The following HOOK1 variants were observed in gnomAD, a reference collection of about 807,000 sequenced individuals.
HOOK1 encodes protein Hook homolog 1.
A neutral mutation model predicts 112.8 loss-of-function variants in HOOK1; 60 were observed. That is an observed-to-expected ratio of 0.53 (90% CI 0.43 to 0.66). The LOEUF (loss-of-function observed/expected upper bound fraction) is 0.66, where lower values mean the gene tolerates loss of function less well. Among genes scored for constraint, HOOK1 ranks in the 30% least tolerant of loss-of-function variants. The probability of loss-of-function intolerance (pLI) is 0.00; values close to 1 mark genes in which losing one functional copy is unlikely to be tolerated. For synonymous variants in HOOK1, 294 were observed against 283.8 expected, an observed-to-expected ratio of 1.04 and a Z score of -0.36; for missense variants, 770 against 856.0, an observed-to-expected ratio of 0.90 and a Z score of 1.25.
chr1:59,842,417 A>G (rs1332576555), intron 8 of HOOK1, among the ~76,000 whole-genome samples: 1 of 152,144 alleles, frequency 6.6e-6, no homozygotes, highest in African/African-American at 2.4e-5. Flanking sequence ...GCATGGATGC[A>G]TGCATTGAAT....
At chr1:59,815,448 C>T (rs1318334014) in intron 1 of HOOK1, 3 of 520,290 alleles carry the variant, frequency 5.8e-6, no homozygotes, top group Non-Finnish European at 1.0e-5. Flanking sequence ...ATTCGACCTG[C>T]CTGGTGCCCT....
At chr1:59,840,662 A>T (rs1433861643) in intron 8 of HOOK1, among the ~76,000 whole-genome samples, 1 of 152,102 alleles carries the variant, frequency 6.6e-6, no homozygotes, top group African/African-American at 2.4e-5. Flanking sequence ...CTCAGTTTTC[A>T]TTTTTGTAAA....
intron 1 of HOOK1, among the ~76,000 whole-genome samples, chr1:59,821,239 C>A (rs563630249): frequency 6.6e-6 from 1 of 151,870 alleles, no homozygotes; most frequent in African/African-American, 2.4e-5. Context: ...GTTATTATTC[C>A]GCTTCTCTTC....
At chr1:59,830,093 T>G (rs1029835501) in intron 3 of HOOK1, among the ~76,000 whole-genome samples, 3 of 152,138 alleles carry the variant, frequency 2.0e-5, no homozygotes, top group Non-Finnish European at 4.4e-5. Flanking sequence ...TTTACATTTA[T>G]TGAGTCTTAT....
At chr1:59,822,341 G>A (rs1360221115) in intron 2 of HOOK1, among the ~76,000 whole-genome samples, 2 of 151,942 alleles carry the variant, frequency 1.3e-5, no homozygotes, top group Non-Finnish European at 2.9e-5. Context: ...AAAAATTATT[G>A]AAGCATAAAA....
At chr1:59,863,312 G>C (rs1442059218) in intron 16 of HOOK1, among the ~76,000 whole-genome samples, 1 of 152,068 alleles carries the variant, frequency 6.6e-6, no homozygotes, top group African/African-American at 2.4e-5. Context: ...AGAGAGAATG[G>C]GAAAATGATT....
rs1209188512 is a variant in HOOK1, at chr1:59,872,978, AC to A, written c.*14del. On this transcript the variant is annotated 3_prime_UTR_variant, in exon 22 of 22. Coordinates refer to ENST00000371208, the MANE Select transcript of HOOK1 (RefSeq NM_015888.6). Reference sequence around the variant, plus strand: ...AACATCTGATTAAACTGCAAAAAAAACAAAACAAAACAAAAAAACCACATAA... The same window carrying A: ...AACATCTGATTAAACTGCAAAAAAAAAAAACAAAACAAAAAAACCACATAA... 83 of 1,437,318 alleles carry A rather than the reference AC, an allele frequency of 5.8e-5. No homozygotes were observed. The highest frequency in any genetic ancestry group is 6.7e-5 in the Non-Finnish European group (72 of 1,081,776). 89.0% of individuals were successfully genotyped at this position (1,437,318 alleles called of 1,614,324 possible). A position where few individuals can be genotyped will look rare whatever the true frequency, so the allele number is the denominator to read the frequency against.
intron 20 of HOOK1, among the ~76,000 whole-genome samples, chr1:59,869,807 A>AAT (rs1217916024): frequency 2.0e-5 from 3 of 152,292 alleles, no homozygotes; most frequent in Non-Finnish European, 2.9e-5. Flanking sequence ...TTCTAAGTCA[A>AAT]ATATCTCTTT....
chr1:59,840,343 A>G lies in HOOK1; in HGVS notation c.573A>G (p.Leu191=). The change falls in exon 8 of 22, where the codon CTA becomes CTG. Residue 191 remains leucine (L), a synonymous_variant. Transcript: ENST00000371208. ...CCTTGGAAGAACTTCAGGAAGCACT[A>G]GCAGAAAAAGAAGAGCTGAGGCAAA... ...KRALEELQEA[L]AEKEELRQRC... 6.2e-7 allele frequency: 1 copy of G among 1,600,096 alleles called. No individual in the cohort carries two copies. The highest frequency in any genetic ancestry group is 1.3e-5 in the African/African-American group (1 of 74,308).
At chr1:59,843,717 G>A in intron 9 of HOOK1, 119 bp downstream of exon 9, 1 of 755,716 alleles carries the variant, frequency 1.3e-6, no homozygotes, top group South Asian at 2.2e-5. Context: ...TACTGATTAA[G>A]CTCCTGAAAA....
intron 1 of HOOK1, among the ~76,000 whole-genome samples, chr1:59,817,938 A>T (rs2098382820): frequency 6.6e-6 from 1 of 152,250 alleles, no homozygotes; most frequent in Non-Finnish European, 1.5e-5. Context: ...ACTATTGCCA[A>T]TAAGACACCA....
chr1:59,827,480 A>G (rs981358220), intron 2 of HOOK1, among the ~76,000 whole-genome samples: 3 of 152,158 alleles, frequency 2.0e-5, no homozygotes, highest in Non-Finnish European at 4.4e-5. Flanking sequence ...AGTGAATTGG[A>G]CAGTTTTGAC....
chr1:59,827,756 A>G (rs1014700426), intron 2 of HOOK1, among the ~76,000 whole-genome samples: 1 of 152,090 alleles, frequency 6.6e-6, no homozygotes, highest in African/African-American at 2.4e-5. Context: ...TATCATAGCC[A>G]GAAGAGTTAT....
chr1:59,844,437 C>T (rs2098402591), intron 9 of HOOK1, among the ~76,000 whole-genome samples: 1 of 151,844 alleles, frequency 6.6e-6, no homozygotes, highest in South Asian at 2.1e-4. Flanking sequence ...TCTGGACTCT[C>T]ATTTCATTTC....
At chr1:59,815,204 C>T (rs1162624759) in intron 1 of HOOK1, 24 bp downstream of exon 1, 8 of 1,539,472 alleles carry the variant, frequency 5.2e-6, no homozygotes, top group Non-Finnish European at 7.0e-6. Flanking sequence ...GGCGAGAGGG[C>T]GAGGGGGCCA....
chr1:59,857,475 A>G (rs1471038437), intron 12 of HOOK1, among the ~76,000 whole-genome samples: 1 of 152,234 alleles, frequency 6.6e-6, no homozygotes, highest in Non-Finnish European at 1.5e-5. Context: ...ATTCTGAAAT[A>G]GTTGATAATG....
chr1:59,838,986 T>G (rs1429294081), intron 7 of HOOK1, among the ~76,000 whole-genome samples: 1 of 152,194 alleles, frequency 6.6e-6, no homozygotes, highest in Middle Eastern at 3.2e-3. Context: ...TGTGTCAGGT[T>G]TATCAAAGAT....
At chr1:59,818,011 C>G (rs1036084285) in intron 1 of HOOK1, among the ~76,000 whole-genome samples, 1 of 152,142 alleles carries the variant, frequency 6.6e-6, no homozygotes, top group African/African-American at 2.4e-5. Context: ...AGTGTTTCAC[C>G]ATTAAGTGTG....
chr1:59,821,307 AATAG>A (rs905175143), intron 1 of HOOK1, among the ~76,000 whole-genome samples: 11 of 152,328 alleles, frequency 7.2e-5, no homozygotes, highest in African/African-American at 2.6e-4. Context: ...CTAAAGCCAA[AATAG>A]ATAGAAACAA....
Sources: allele counts gnomAD v4.1 joint callset (sites outside exome capture counted in the v4.1 genomes callset), GRCh38; gene constraint gnomAD v4.1.1; transcripts MANE v1.5; gene names NCBI Gene and HGNC (gene_info 2026-07-23, HGNC 2026-07-21).